TEX9: variants seen among roughly 807,000 people sequenced by gnomAD.
TEX9 encodes the protein testis expressed 9.
A neutral mutation model predicts 59.6 loss-of-function variants in TEX9; 74 were observed. That is an observed-to-expected ratio of 1.24 (90% CI 1.03 to 1.51). TEX9 has a LOEUF of 1.51. TEX9 is among the 40% of genes most tolerant of loss of function. TEX9 has a pLI of 0.00. For missense variants in TEX9, 522 were observed against 447.8 expected (o/e 1.17, Z -1.49); for synonymous variants, 186 against 152.2 (o/e 1.22, Z -1.64).
intron 12 of TEX9, chr15:56,444,363 G>A: frequency 8.4e-7 from 1 of 1,194,784 alleles, no homozygotes; most frequent in Non-Finnish European, 1.2e-6. Context: ...CACTGTTCTA[G>A]GTGCTTCAGT....
At chr15:56,407,670 C>A (rs184867743) in intron 9 of TEX9, among the ~76,000 whole-genome samples, 2 of 152,242 alleles carry the variant, frequency 1.3e-5, no homozygotes, top group Admixed American at 1.3e-4. Flanking sequence ...CCCTCACTTT[C>A]TGAGAAGTCA....
At chr15:56,414,924 T>C (rs1342570387) in intron 10 of TEX9, among the ~76,000 whole-genome samples, 1 of 151,884 alleles carries the variant, frequency 6.6e-6, no homozygotes, top group Non-Finnish European at 1.5e-5. Flanking sequence ...TTTTTAGTAA[T>C]AGCCATTCTG....
intron 12 of TEX9, chr15:56,443,666 T>C: frequency 6.2e-7 from 1 of 1,613,302 alleles, no homozygotes; most frequent in South Asian, 1.1e-5. Context: ...CCTTTTCTCC[T>C]CATTTTCTTG....
intron 12 of TEX9, chr15:56,434,262 T>G: frequency 1.2e-6 from 2 of 1,613,968 alleles, no homozygotes; most frequent in Non-Finnish European, 1.7e-6. Flanking sequence ...CTCAGCAAAT[T>G]TAGCTAGCAT....
intron 1 of TEX9, among the ~76,000 whole-genome samples, chr15:56,259,876 T>C (rs1297623548): frequency 1.3e-5 from 2 of 152,092 alleles, no homozygotes; most frequent in South Asian, 2.1e-4. Context: ...TCCAAATCCA[T>C]GAACATGGTA....
At chr15:56,333,593 G>T (rs1329295919) in intron 1 of TEX9, among the ~76,000 whole-genome samples, 2 of 151,850 alleles carry the variant, frequency 1.3e-5, no homozygotes, top group East Asian at 3.9e-4. Context: ...AAGACCAAAA[G>T]CCTTTCATCT....
intron 10 of TEX9, among the ~76,000 whole-genome samples, chr15:56,416,471 G>T (rs886888931): frequency 6.6e-6 from 1 of 151,232 alleles, no homozygotes; most frequent in South Asian, 2.1e-4. Context: ...TGAGGTAATC[G>T]TGGTTTTTGT....
chr15:56,402,068 A>G (rs2048816262), intron 9 of TEX9, among the ~76,000 whole-genome samples: 2 of 152,220 alleles, frequency 1.3e-5, no homozygotes, highest in African/African-American at 4.8e-5. Context: ...CACAATTAAA[A>G]GAACTAGAGA....
intron 1 of TEX9, among the ~76,000 whole-genome samples, chr15:56,330,420 C>T (rs1216866292): frequency 6.6e-6 from 1 of 151,928 alleles, no homozygotes; most frequent in African/African-American, 2.4e-5. Context: ...TACTCTTATC[C>T]TAAGTAGAAA....
intron 1 of TEX9, among the ~76,000 whole-genome samples, chr15:56,276,909 A>G (rs1286137646): frequency 6.6e-6 from 1 of 152,168 alleles, no homozygotes; most frequent in Non-Finnish European, 1.5e-5. Context: ...GCATTTCTCT[A>G]ATGATCAGTG....
At chr15:56,339,869 C>T (rs963056301) in intron 1 of TEX9, among the ~76,000 whole-genome samples, 14 of 151,892 alleles carry the variant, frequency 9.2e-5, no homozygotes, top group African/African-American at 3.1e-4. Flanking sequence ...GTCTCTAAAC[C>T]AGGAAGTGAG....
chr15:56,428,491 A>G, intron 12 of TEX9: 2 of 1,270,730 alleles, frequency 1.6e-6, no homozygotes, highest in East Asian at 4.7e-5. Flanking sequence ...ATGGATACCC[A>G]TTTTACTTAT....
chr15:56,328,471 C>G (rs1296810951), intron 1 of TEX9, among the ~76,000 whole-genome samples: 1 of 152,186 alleles, frequency 6.6e-6, no homozygotes, highest in African/African-American at 2.4e-5. Context: ...GAGCACCAAG[C>G]AGGCTCTTGG....
chr15:56,373,505 G>GT lies in TEX9; in HGVS notation c.183+2dup. 1 of 1,559,434 alleles carries GT rather than the reference G, an allele frequency of 6.4e-7. No individual in the cohort carries two copies. Among genetic ancestry groups the GT allele is most frequent in the Non-Finnish European group, 8.6e-7 (1 of 1,162,136 alleles). On this transcript the variant is annotated splice_donor_variant, in intron 3 of 12. Coordinates refer to ENST00000352903, the Ensembl canonical transcript of TEX9. LOFTEE classifies it high-confidence loss of function. ...GGTTCAACAAGCTAAGGAAATAATA[G>GT]TAAGTATATGTACAATTATTAATAA...
At chr15:56,383,919 A>T in intron 3 of TEX9, 33 bp from the exon 4 acceptor site, 1 of 1,520,504 alleles carries the variant, frequency 6.6e-7, no homozygotes. Context: ...TTTTTTTTCT[A>T]TATGATATAT....
intron 1 of TEX9, among the ~76,000 whole-genome samples, chr15:56,340,338 C>CT (rs1203830949): frequency 6.6e-6 from 1 of 152,164 alleles, no homozygotes; most frequent in Admixed American, 6.5e-5. Flanking sequence ...GGCCAATACT[C>CT]TATTTATTAC....
At chr15:56,381,282 C>G (rs1288203245) in intron 3 of TEX9, among the ~76,000 whole-genome samples, 3 of 152,154 alleles carry the variant, frequency 2.0e-5, no homozygotes, top group East Asian at 1.9e-4. Context: ...TTAAATTTAT[C>G]TGATAGAATT....
Position 56,438,940 on chromosome 15 carries a change from G to T in TEX9, c.*30-6731G>T, listed in dbSNP as rs563277462. 4.6e-4 allele frequency among the ~76,000 whole-genome samples: 70 copies of T among 152,182 alleles called. No individual in the cohort carries two copies. The Middle Eastern group carries it at 0.014, about 30-fold the overall frequency. On this transcript the variant is annotated intron_variant, in intron 12 of 12. Transcript: ENST00000352903. Reference sequence around the variant, plus strand: ...TTCTTCAACATAGCACTAGCCAGTGGTGCTGGAAATTTTAGCCAGCATGTA... The same window carrying T: ...TTCTTCAACATAGCACTAGCCAGTGTTGCTGGAAATTTTAGCCAGCATGTA...
Position 56,414,488 on chromosome 15 carries a change from G to A in TEX9, c.963+2052G>A, listed in dbSNP as rs528653140. Among the ~76,000 whole-genome samples, 6 of 151,880 alleles carry A rather than the reference G, an allele frequency of 4.0e-5. No individual in the cohort carries two copies. The East Asian group carries it at 1.2e-3, about 29-fold the overall frequency. On this transcript the variant is annotated intron_variant, in intron 10 of 12. Transcript: ENST00000352903. ...AGCTCCCACTTATAAGTGAAAACAA[G>A]CGGTATTCGGTTTTGTGTTCCTACA...
Sources: allele counts gnomAD v4.1 joint callset (sites outside exome capture counted in the v4.1 genomes callset), GRCh38; gene constraint gnomAD v4.1.1; transcripts MANE v1.5; gene names NCBI Gene and HGNC (gene_info 2026-07-23, HGNC 2026-07-21).